POU1F1: variants seen among roughly 807,000 people sequenced by gnomAD.
POU1F1 encodes pituitary-specific positive transcription factor 1.
A neutral mutation model predicts 32.3 loss-of-function variants in POU1F1; 23 were observed. The observed-to-expected ratio is 0.71, with a 90% confidence interval of 0.51 to 1.01. The LOEUF (loss-of-function observed/expected upper bound fraction) is 1.01, where lower values mean the gene tolerates loss of function less well. POU1F1 is among the 50% of genes least tolerant of loss of function. POU1F1 has a pLI of 0.00. For missense variants in POU1F1, 323 were observed against 341.6 expected (o/e 0.95, Z 0.43); for synonymous variants, 120 against 115.6 (o/e 1.04, Z -0.25).
Position 87,264,466 on chromosome 3 carries a change from A to G in POU1F1, c.261T>C (p.Ser87=). ...CLYKFPDHTL[S]HGFPPIHQPL... ...GCTGGTGTATAGGAGGAAATCCATG[A>G]CTCAAGGTGTGGTCAGGAAATTTAT... Residue 87 remains serine (S), a synonymous_variant, in exon 3 of 6, where the codon AGT becomes AGC. Coordinates refer to ENST00000350375, the MANE Select transcript of POU1F1 (RefSeq NM_000306.4). 1 of 1,613,240 alleles carries G rather than the reference A, an allele frequency of 6.2e-7. No homozygotes were observed.
At position 87,260,862 on chromosome 3, in the gene POU1F1, ATTATTTTT is replaced by A. The variant is rs1183978594; in HGVS notation, c.665+403_665+410del. On this transcript the variant is annotated intron_variant, in intron 5 of 5. Transcript: ENST00000350375. ...CTCAAAATTAAGTTATTACATTATT[ATTATTTTT>A]TTTTTATTTATTTATTTATTTATTT... Among the ~76,000 whole-genome samples, 4 of 142,286 alleles carry A rather than the reference ATTATTTTT, an allele frequency of 2.8e-5. No homozygotes were observed. The Admixed American group carries it at 2.9e-4, about 10-fold the overall frequency. 93.3% of individuals were successfully genotyped at this position (142,286 alleles called of 152,430 possible). A position where few individuals can be genotyped will look rare whatever the true frequency, so the allele number is the denominator to read the frequency against.
intron 4 of POU1F1, among the ~76,000 whole-genome samples, chr3:87,261,720 G>C (rs1706517578): frequency 6.6e-6 from 1 of 151,994 alleles, no homozygotes; most frequent in Non-Finnish European, 1.5e-5. Context: ...AATGTTTTGT[G>C]TACACTAATA....
At position 87,276,492 on chromosome 3, in the gene POU1F1, A is replaced by G. The variant is rs1163426598; in HGVS notation, c.-30T>C. 9 of 1,611,340 alleles carry G rather than the reference A, an allele frequency of 5.6e-6. No homozygotes were observed. The highest frequency in any genetic ancestry group is 7.6e-6 in the Non-Finnish European group (9 of 1,178,482). ...ACAAGAGAGTAGAAAAATAAGGAGA[A>G]CCGCTGCTCCCCAAATCAGAGTTTT... On this transcript the variant is annotated 5_prime_UTR_variant, in exon 1 of 6. Coordinates refer to ENST00000350375, the MANE Select transcript of POU1F1 (RefSeq NM_000306.4).
At chr3:87,273,105 A>G (rs1706757518) in intron 2 of POU1F1, among the ~76,000 whole-genome samples, 1 of 152,162 alleles carries the variant, frequency 6.6e-6, no homozygotes, top group Non-Finnish European at 1.5e-5. Context: ...AATAAAAACC[A>G]TACAAAGCAA....
intron 2 of POU1F1, among the ~76,000 whole-genome samples, chr3:87,268,359 G>A (rs551295748): frequency 9.2e-4 from 139 of 151,806 alleles, no homozygotes; most frequent in South Asian, 3.5e-3. Flanking sequence ...TGCCTGCCTC[G>A]GCCTCCTAAA....
intron 2 of POU1F1, 50 bp downstream of exon 2, chr3:87,273,297 C>T (rs747421863): frequency 6.5e-7 from 1 of 1,545,948 alleles, no homozygotes; most frequent in Non-Finnish European, 8.9e-7. Flanking sequence ...CCAGAAAATC[C>T]ATCTAAGTGT....
At chr3:87,275,049 T>C (rs1457895036) in intron 1 of POU1F1, among the ~76,000 whole-genome samples, 1 of 151,974 alleles carries the variant, frequency 6.6e-6, no homozygotes, top group African/African-American at 2.4e-5. Flanking sequence ...ATTCTCATTA[T>C]TCTCAATCTA....
At chr3:87,268,753 C>A (rs1706673447) in intron 2 of POU1F1, among the ~76,000 whole-genome samples, 1 of 152,150 alleles carries the variant, frequency 6.6e-6, no homozygotes, top group South Asian at 2.1e-4. Context: ...ACACATAGCT[C>A]AGAAGTGTTT....
At position 87,260,382 on chromosome 3, in the gene POU1F1, G is replaced by C. The variant is rs374528435; in HGVS notation, c.666-278C>G. Among the ~76,000 whole-genome samples the C allele has an allele frequency of 3.3e-5, 5 of 152,234 alleles. No homozygotes were observed. In the East Asian group the frequency reaches 7.7e-4, roughly 24 times the overall value. ...GTTTTTCCCACTTTGTGCCACCAGAGGGCACTGAGTTCTTGAGAAGAAAAT... is the reference window on the plus strand; with the variant it reads ...GTTTTTCCCACTTTGTGCCACCAGACGGCACTGAGTTCTTGAGAAGAAAAT... On this transcript the variant is annotated intron_variant, in intron 5 of 5. Transcript: ENST00000350375.
At chr3:87,261,361 C>T in intron 4 of POU1F1, 28 bp from the exon 5 acceptor site, 1 of 1,516,466 alleles carries the variant, frequency 6.6e-7, no homozygotes. Context: ...GAGATAATTA[C>T]AAACACAAAG....
intron 1 of POU1F1, among the ~76,000 whole-genome samples, chr3:87,275,803 T>C (rs1188395213): frequency 6.6e-6 from 1 of 152,072 alleles, no homozygotes. Flanking sequence ...TATCTTATGC[T>C]AAAATATGTT....
At chr3:87,268,084 C>CTTTTTTTTTT (rs11387958) in intron 2 of POU1F1, among the ~76,000 whole-genome samples, 1 of 116,466 alleles carries the variant, frequency 8.6e-6, no homozygotes, top group African/African-American at 3.0e-5. Context: ...TTCCCTTTCC[C>CTTTTTTTTTT]TTTTTTTTTT....
At chr3:87,267,347 C>T (rs1378943746) in intron 2 of POU1F1, among the ~76,000 whole-genome samples, 4 of 152,066 alleles carry the variant, frequency 2.6e-5, no homozygotes, top group African/African-American at 7.2e-5. Context: ...CTCCAGTGCC[C>T]AACGAATTAA....
chr3:87,273,121 A>G (rs139747234), intron 2 of POU1F1, among the ~76,000 whole-genome samples: 277 of 152,286 alleles, frequency 1.8e-3, no homozygotes, highest in Middle Eastern at 6.8e-3. Flanking sequence ...AGCAAACTCA[A>G]GAAGCACAGC....
chr3:87,270,273 C>T (rs1356904576), intron 2 of POU1F1, among the ~76,000 whole-genome samples: 1 of 152,040 alleles, frequency 6.6e-6, no homozygotes, highest in Non-Finnish European at 1.5e-5. Context: ...GTTGTAGTAC[C>T]CACCACAACG....
At chr3:87,270,282 C>A (rs1037067488) in intron 2 of POU1F1, among the ~76,000 whole-genome samples, 1 of 152,042 alleles carries the variant, frequency 6.6e-6, no homozygotes, top group Non-Finnish European at 1.5e-5. Flanking sequence ...CCCACCACAA[C>A]GTAGATATGA....
At chr3:87,275,043 TCA>T (rs1706800261) in intron 1 of POU1F1, among the ~76,000 whole-genome samples, 1 of 151,986 alleles carries the variant, frequency 6.6e-6, no homozygotes, top group African/African-American at 2.4e-5. Context: ...TGTATTATTC[TCA>T]TTATTCTCAA....
rs757679981 is a variant in POU1F1, at chr3:87,259,858, A to C, written c.*36T>G. ...TTTGTTGAGGAAGAGAAAGGAATGA[A>C]ACGGGAGAAAAAGGCTATTATACAA... On this transcript the variant is annotated 3_prime_UTR_variant, in exon 6 of 6. Transcript: ENST00000350375. 2 of 1,551,498 alleles carry C rather than the reference A, an allele frequency of 1.3e-6. No individual in the cohort carries two copies. Among genetic ancestry groups the C allele is most frequent in the South Asian group, 2.2e-5 (2 of 89,648 alleles).
chr3:87,267,749 C>T (rs936622304), intron 2 of POU1F1, among the ~76,000 whole-genome samples: 1 of 152,090 alleles, frequency 6.6e-6, no homozygotes, highest in Admixed American at 6.6e-5. Context: ...AATCTACAGG[C>T]ATGCACCGCC....
Sources: allele counts gnomAD v4.1 joint callset (sites outside exome capture counted in the v4.1 genomes callset), GRCh38; gene constraint gnomAD v4.1.1; transcripts MANE v1.5; gene names NCBI Gene and HGNC (gene_info 2026-07-23, HGNC 2026-07-21).